DGKB: variants seen among roughly 807,000 people sequenced by gnomAD.
The protein encoded by DGKB is 90 kDa diacylglycerol kinase.
A neutral mutation model predicts 114.3 loss-of-function variants in DGKB; 67 were observed. The observed-to-expected ratio is 0.59, with a 90% CI of 0.48 to 0.72. The LOEUF (loss-of-function observed/expected upper bound fraction) is 0.72, where lower values mean the gene tolerates loss of function less well. DGKB is among the 30% of genes least tolerant of loss of function. The pLI, the probability that DGKB is intolerant of heterozygous loss-of-function variation, is 0.00. For synonymous variants in DGKB, 398 were observed against 323.1 expected (o/e 1.23, Z -2.49); for missense variants, 907 against 975.2 (o/e 0.93, Z 0.93).
chr7:14,772,749 T>G (rs1330769564), intron 2 of DGKB, among the ~76,000 whole-genome samples: 2 of 152,148 alleles, frequency 1.3e-5, no homozygotes, highest in Non-Finnish European at 2.9e-5. Context: ...AGCTGATAGT[T>G]GAGGATGGAC....
At chr7:14,645,050 TCA>T (rs751593674) in intron 13 of DGKB, among the ~76,000 whole-genome samples, 72 of 152,090 alleles carry the variant, frequency 4.7e-4, no homozygotes, top group Non-Finnish European at 8.8e-4. Context: ...TCTCACCCAC[TCA>T]GTCTTGATTG....
chr7:14,314,219 G>A lies in DGKB; in HGVS notation c.2122+24296C>T, dbSNP rs1806012146. Among the ~76,000 whole-genome samples the A allele has an allele frequency of 2.0e-5, 3 of 152,250 alleles. No homozygotes were observed. In the East Asian group the frequency reaches 5.8e-4, roughly 29 times the overall value. On this transcript the variant is annotated intron_variant, in intron 23 of 25. Transcript: ENST00000402815. ...GAAAAACTGGAAACTCTAAAAATCA[G>A]AGCGCCTCTCCTCCTCCAAAGGAAC... is the stretch of plus-strand genomic sequence containing the variant.
At chr7:14,268,402 AC>A (rs1379983381) in intron 23 of DGKB, among the ~76,000 whole-genome samples, 1 of 152,182 alleles carries the variant, frequency 6.6e-6, no homozygotes, top group Non-Finnish European at 1.5e-5. Context: ...AAAACAACAT[AC>A]GTATTTTAGT....
At chr7:14,449,894 C>A (rs145475047) in intron 21 of DGKB, among the ~76,000 whole-genome samples, 3 of 152,122 alleles carry the variant, frequency 2.0e-5, no homozygotes, top group East Asian at 1.9e-4. Context: ...CAAACTCTCA[C>A]GGAGAATGTT....
At chr7:14,750,062 ATATGTGTG>A in intron 4 of DGKB, 1 of 502,060 alleles carries the variant, frequency 2.0e-6, no homozygotes. Flanking sequence ...TAAATATGTT[ATATGTGTG>A]CTATCATTTA....
intron 23 of DGKB, among the ~76,000 whole-genome samples, chr7:14,316,179 C>T (rs1260752051): frequency 3.9e-5 from 6 of 152,110 alleles, no homozygotes; most frequent in East Asian, 1.9e-4. Context: ...CAAGAGAAAG[C>T]AGGAAAGATC....
intron 3 of DGKB, among the ~76,000 whole-genome samples, chr7:14,757,073 T>C (rs1458563028): frequency 1.3e-5 from 2 of 152,040 alleles, no homozygotes; most frequent in Non-Finnish European, 2.9e-5. Context: ...TGGTAAAAGG[T>C]AAAATAGAAG....
chr7:14,162,102 G>T (rs1783987622), intron 25 of DGKB, among the ~76,000 whole-genome samples: 1 of 152,088 alleles, frequency 6.6e-6, no homozygotes, highest in Non-Finnish European at 1.5e-5. Context: ...GAATGTGGTA[G>T]CCTTGTTTTC....
chr7:14,764,470 T>C (rs1366914856), intron 2 of DGKB, among the ~76,000 whole-genome samples: 2 of 151,812 alleles, frequency 1.3e-5, no homozygotes, highest in Non-Finnish European at 2.9e-5. Context: ...CCTGGATCCA[T>C]ATCAGGATCA....
chr7:14,532,795 A>AC (rs576536487), intron 20 of DGKB, among the ~76,000 whole-genome samples: 9 of 151,658 alleles, frequency 5.9e-5, no homozygotes, highest in Non-Finnish European at 1.2e-4. Flanking sequence ...ACTGACATAG[A>AC]ACACCCCACC....
chr7:14,906,283 T>A (rs1562865916), upstream of DGKB, among the ~76,000 whole-genome samples: 1 of 151,912 alleles, frequency 6.6e-6, no homozygotes, highest in Non-Finnish European at 1.5e-5. Context: ...AATGTTGGCC[T>A]TATATCAAGG....
At chr7:14,655,934 G>A (rs561030147) in intron 13 of DGKB, among the ~76,000 whole-genome samples, 4 of 151,646 alleles carry the variant, frequency 2.6e-5, no homozygotes, top group Admixed American at 6.6e-5. Flanking sequence ...ATTACAGCTA[G>A]ACATAATAAA....
intron 2 of DGKB, among the ~76,000 whole-genome samples, chr7:14,780,181 A>G (rs1289978522): frequency 6.6e-6 from 1 of 152,178 alleles, no homozygotes; most frequent in Non-Finnish European, 1.5e-5. Context: ...CCCAGCCTAA[A>G]GCACATGATG....
rs569187943 is a variant in DGKB at position 14,894,129 on chromosome 7, T to G, written c.-188+8463A>C. 2.6e-5 allele frequency among the ~76,000 whole-genome samples: 4 copies of G among 151,490 alleles called. No homozygotes were observed. In the South Asian group the frequency reaches 8.3e-4, roughly 31 times the overall value. ...GTGGTTAAATAAGGCCAGGGAAGTT[T>G]ATACTAAATCCTGTTTTAGAGATGC... On this transcript the variant is annotated intron_variant, in intron 1 of 25. Coordinates refer to ENST00000402815, the MANE Select transcript of DGKB (RefSeq NM_001350709.2).
intron 23 of DGKB, among the ~76,000 whole-genome samples, chr7:14,280,425 G>C (rs914024103): frequency 6.6e-6 from 1 of 151,926 alleles, no homozygotes; most frequent in Non-Finnish European, 1.5e-5. Context: ...AACCGAGTTG[G>C]AAAACACTCT....
At chr7:14,683,238 G>A (rs1434859596) in intron 10 of DGKB, among the ~76,000 whole-genome samples, 14 of 152,070 alleles carry the variant, frequency 9.2e-5, no homozygotes, top group Admixed American at 5.2e-4. Context: ...AGCAGCTGGC[G>A]GGTATGGGAA....
At chr7:14,766,012 A>G (rs568530223) in intron 2 of DGKB, among the ~76,000 whole-genome samples, 3 of 152,070 alleles carry the variant, frequency 2.0e-5, no homozygotes, top group Non-Finnish European at 1.5e-5. Flanking sequence ...CAGCTCTGAT[A>G]AGCAATAATT....
At chr7:14,544,502 A>T (rs552867382) in intron 20 of DGKB, among the ~76,000 whole-genome samples, 1 of 152,316 alleles carries the variant, frequency 6.6e-6, no homozygotes, top group Admixed American at 6.5e-5. Flanking sequence ...ATTACTTATT[A>T]AGTTACATAT....
intron 1 of DGKB, among the ~76,000 whole-genome samples, chr7:14,875,405 T>C (rs1853124915): frequency 6.6e-6 from 1 of 152,178 alleles, no homozygotes; most frequent in Admixed American, 6.5e-5. Flanking sequence ...GGAGTCACCA[T>C]GCTTTTTTAA....
Sources: gnomAD v4.1 joint callset for allele counts (sites outside exome capture counted in the v4.1 genomes callset) on GRCh38, gnomAD v4.1.1 for gene constraint, MANE v1.5 for transcripts, NCBI Gene and HGNC (gene_info 2026-07-23, HGNC 2026-07-21) for gene names.